Variants in EHMT1 observed in about 807,000 individuals in gnomAD.
EHMT1 encodes the protein histone-lysine N-methyltransferase EHMT1.
Under a neutral mutation model 147.2 loss-of-function variants are expected in EHMT1, and 15 were observed. That is an observed-to-expected ratio of 0.10 (90% CI 0.07 to 0.16). The LOEUF (loss-of-function observed/expected upper bound fraction) is 0.16. Ranked by LOEUF, EHMT1 falls within the 10% of genes least tolerant of loss-of-function variation. EHMT1 has a pLI of 1.00. For missense variants in EHMT1, 1,587 were observed against 1,772.4 expected (o/e 0.90, Z 1.88); for synonymous variants, 795 against 709.6 (o/e 1.12, Z -1.91).
chr9:137,658,017 C>T (rs544424810), intron 1 of EHMT1, among the ~76,000 whole-genome samples: 1 of 152,302 alleles, frequency 6.6e-6, no homozygotes, highest in East Asian at 1.9e-4. Context: ...CAGTGACCTC[C>T]AGTTCCATCC....
At chr9:137,760,217 C>G (rs1407759452) in intron 9 of EHMT1, among the ~76,000 whole-genome samples, 1 of 152,206 alleles carries the variant, frequency 6.6e-6, no homozygotes, top group Non-Finnish European at 1.5e-5. Flanking sequence ...GGTAGTTCCA[C>G]TGTGGGAACA....
chr9:137,777,409 A>C (rs1376305353), intron 12 of EHMT1: 2 of 192,658 alleles, frequency 1.0e-5, no homozygotes, highest in African/African-American at 4.8e-5. Flanking sequence ...ATAAAATAAC[A>C]AAAGAGACCC....
chr9:137,720,544 C>T (rs1364018473), intron 3 of EHMT1, among the ~76,000 whole-genome samples: 1 of 152,170 alleles, frequency 6.6e-6, no homozygotes, highest in African/African-American at 2.4e-5. Flanking sequence ...CTCAAGTGAT[C>T]TGCCCTCCTC....
chr9:137,724,904 ATTC>A (rs1564644929), intron 3 of EHMT1, among the ~76,000 whole-genome samples: 3,563 of 95,606 alleles, frequency 0.037, 137 homozygotes, highest in African/African-American at 0.11. Flanking sequence ...CAGATGTGGC[ATTC>A]GTTGGGCATT....
rs138324155 is a variant in EHMT1, at chr9:137,826,575, G to T, written c.3541-7774G>T. Among the ~76,000 whole-genome samples the T allele has an allele frequency of 3.1e-3, 468 of 152,346 alleles. 3 individuals are homozygous for T. Among genetic ancestry groups the T allele is most frequent in the African/African-American group, 0.011 (457 of 41,570 alleles). The stretch of plus-strand genomic sequence containing the variant: ...CTGGAGGCCAGAAGTCCAAGGTCAA[G>T]GCACCTACTGGTTTGGTTCTCAGGA... On this transcript the variant is annotated intron_variant, in intron 25 of 26. Transcript: ENST00000460843.
intron 19 of EHMT1, 91 bp downstream of exon 19, chr9:137,811,706 G>T: frequency 5.2e-6 from 8 of 1,542,792 alleles, no homozygotes; most frequent in Non-Finnish European, 7.0e-6. Flanking sequence ...TCACACTTGG[G>T]GCGTGAGTGG....
rs542251763 is a variant in EHMT1, at chr9:137,650,078, G to A, written c.21+31029G>A. On this transcript the variant is annotated intron_variant, in intron 1 of 26. Transcript: ENST00000460843. ...GAATGAGGGTTCCAGTTTTTATATCGTCGCCAACACTTGTTATTTTATTTA... is the reference window on the plus strand; with the variant it reads ...GAATGAGGGTTCCAGTTTTTATATCATCGCCAACACTTGTTATTTTATTTA... Among the ~76,000 whole-genome samples, 33 of 152,024 alleles carry A rather than the reference G, an allele frequency of 2.2e-4. 1 individual carries two copies. Among genetic ancestry groups the A allele is most frequent in the Non-Finnish European group, 2.6e-4 (18 of 67,978 alleles).
intron 3 of EHMT1, among the ~76,000 whole-genome samples, chr9:137,722,599 GC>G (rs1946170508): frequency 6.6e-6 from 1 of 152,130 alleles, no homozygotes; most frequent in Non-Finnish European, 1.5e-5. Context: ...GTGGGAGGGT[GC>G]CTGCCCTGCA....
At chr9:137,686,181 T>C (rs1942409171) in intron 1 of EHMT1, among the ~76,000 whole-genome samples, 1 of 152,220 alleles carries the variant, frequency 6.6e-6, no homozygotes. Flanking sequence ...CTTGATGGTG[T>C]CCTTTGCAGC....
intron 1 of EHMT1, among the ~76,000 whole-genome samples, chr9:137,630,705 G>T (rs1214955036): frequency 1.3e-5 from 2 of 152,140 alleles, no homozygotes; most frequent in Non-Finnish European, 2.9e-5. Context: ...CGTATCTTCA[G>T]TGTTTTTGGT....
chr9:137,771,533 T>C (rs1950582439), intron 10 of EHMT1, among the ~76,000 whole-genome samples: 1 of 152,138 alleles, frequency 6.6e-6, no homozygotes, highest in African/African-American at 2.4e-5. Context: ...CCACAAACAC[T>C]TCTCTGTCTG....
intron 1 of EHMT1, among the ~76,000 whole-genome samples, chr9:137,642,729 A>G (rs1195457117): frequency 2.0e-5 from 3 of 152,244 alleles, no homozygotes; most frequent in African/African-American, 4.8e-5. Context: ...GTGCCCATCT[A>G]CGCAGATTTA....
At position 137,716,835 on chromosome 9, in the gene EHMT1, A is replaced by C; in HGVS notation, c.295A>C (p.Arg99=). ...GATAGCGGAAAATGGGGTTTCAGAA[A>C]GAGACTCAGAAGCGGCGAAGCAAAA... ...TRIAENGVSE[R]DSEAAKQNHV... is the part of the protein sequence containing the mutation. Residue 99 remains arginine (R), a synonymous_variant, in exon 3 of 27, where the codon AGA becomes CGA. Transcript: ENST00000460843. The C allele has an allele frequency of 6.2e-7, 1 of 1,613,350 alleles. No individual in the cohort carries two copies.
intron 1 of EHMT1, among the ~76,000 whole-genome samples, chr9:137,642,234 C>A (rs953854470): frequency 6.6e-6 from 1 of 152,132 alleles, no homozygotes; most frequent in African/African-American, 2.4e-5. Context: ...AGGGTTTATA[C>A]TTGTCGATTT....
chr9:137,634,971 C>T (rs953054980), intron 1 of EHMT1, among the ~76,000 whole-genome samples: 23 of 150,032 alleles, frequency 1.5e-4, no homozygotes, highest in Middle Eastern at 3.5e-3. Flanking sequence ...CCGCCGGCCT[C>T]GGCCTCCCAA....
intron 15 of EHMT1, chr9:137,788,032 G>T (rs1195908533): frequency 1.4e-6 from 2 of 1,402,182 alleles, no homozygotes; most frequent in East Asian, 4.7e-5. Context: ...TCCGGGAAGA[G>T]GGTTGAGGGC....
At chr9:137,721,022 CCAG>C (rs1945903890) in intron 3 of EHMT1, among the ~76,000 whole-genome samples, 1 of 77,626 alleles carries the variant, frequency 1.3e-5, no homozygotes, top group African/African-American at 3.3e-5. Context: ...GGCGTCCTCG[CCAG>C]CGTTAGCTCT....
Position 137,786,430 on chromosome 9 carries a change from C to T in EHMT1, c.2382+4033C>T, listed in dbSNP as rs1182784725. 1.3e-5 allele frequency: 2 copies of T among 152,328 alleles called. No individual in the cohort carries two copies. The highest frequency in any genetic ancestry group is 2.9e-5 in the Non-Finnish European group (2 of 68,130). The allele number at this position is 152,328 out of a possible 1,614,324, so 9.4% of individuals were successfully genotyped here. On this transcript the variant is annotated intron_variant, in intron 15 of 26. Transcript: ENST00000460843. The surrounding 1 kb of genome is among the most constrained non-coding windows in gnomAD (Gnocchi z 4.3). ...CCCTGAATCCAAGGGTGCTGTTTCT[C>T]AGGGTTTCAGCATCTGCAGGGGTGT...
In EHMT1 at chr9:137,731,702, A is replaced by C. The variant is rs1384527427; in HGVS notation, c.823+3173A>C. On this transcript the variant is annotated intron_variant, in intron 4 of 26. Coordinates refer to ENST00000460843, the MANE Select transcript of EHMT1 (RefSeq NM_024757.5). The surrounding 1 kb of genome is among the most constrained non-coding windows in gnomAD (Gnocchi z 4.3). ...TGCACCTGCTGGGCTCATTCTGCCCACTCGGCCCAGCAGGCTGTACTTGGC... is the reference window on the plus strand; with the variant it reads ...TGCACCTGCTGGGCTCATTCTGCCCCCTCGGCCCAGCAGGCTGTACTTGGC... Among the ~76,000 whole-genome samples the C allele has an allele frequency of 6.6e-6, 1 of 151,912 alleles. No homozygotes were observed. The highest frequency in any genetic ancestry group is 1.5e-5 in the Non-Finnish European group (1 of 67,980).
Sources: allele counts gnomAD v4.1 joint callset (sites outside exome capture counted in the v4.1 genomes callset), GRCh38; gene constraint gnomAD v4.1.1; non-coding constraint Gnocchi (gnomAD v3.1); transcripts MANE v1.5; gene names NCBI Gene and HGNC (gene_info 2026-07-23, HGNC 2026-07-21).